SGCZ: variants seen among roughly 807,000 people sequenced by gnomAD.
SGCZ encodes the protein sarcoglycan zeta.
Under a neutral mutation model 41.3 loss-of-function variants are expected in SGCZ, and 40 were observed. The observed-to-expected ratio is 0.97, with a 90% CI of 0.75 to 1.26. The LOEUF is 1.26. SGCZ is among the 50% of genes most tolerant of loss of function. SGCZ has a pLI of 0.00. For synonymous variants in SGCZ, 206 were observed against 137.5 expected, an observed-to-expected ratio of 1.50 and a Z score of -3.49; for missense variants, 552 against 369.8, an observed-to-expected ratio of 1.49 and a Z score of -4.04.
intron 1 of SGCZ, among the ~76,000 whole-genome samples, chr8:14,560,552 A>T (rs1452334906): frequency 6.6e-6 from 1 of 152,070 alleles, no homozygotes; most frequent in Admixed American, 6.6e-5. Flanking sequence ...GAAAATTCCA[A>T]GTTAAGTGCT....
At chr8:14,731,771 C>A (rs1810246770) in intron 1 of SGCZ, among the ~76,000 whole-genome samples, 1 of 151,978 alleles carries the variant, frequency 6.6e-6, no homozygotes, top group African/African-American at 2.4e-5. Context: ...TTCTACTTCC[C>A]ACCAAATCTC....
chr8:14,980,679 A>G (rs1390353581), intron 1 of SGCZ, among the ~76,000 whole-genome samples: 1 of 152,122 alleles, frequency 6.6e-6, no homozygotes, highest in Non-Finnish European at 1.5e-5. Flanking sequence ...ATCAGATCTC[A>G]TGAGACTTAT....
intron 1 of SGCZ, among the ~76,000 whole-genome samples, chr8:14,769,092 G>A (rs957821829): frequency 2.0e-5 from 3 of 151,820 alleles, no homozygotes; most frequent in Non-Finnish European, 4.4e-5. Context: ...AGAAAATAAT[G>A]AAAATAAATC....
chr8:14,258,275 T>C (rs1439862099), intron 3 of SGCZ, among the ~76,000 whole-genome samples: 1 of 152,152 alleles, frequency 6.6e-6, no homozygotes, highest in Non-Finnish European at 1.5e-5. Context: ...TCTCAGGACA[T>C]TAAACTTACA....
At chr8:14,630,373 G>C (rs1055667687) in intron 1 of SGCZ, among the ~76,000 whole-genome samples, 2 of 151,894 alleles carry the variant, frequency 1.3e-5, no homozygotes, top group Non-Finnish European at 2.9e-5. Context: ...CTCAGGATTG[G>C]CTGCGATGGA....
intron 3 of SGCZ, among the ~76,000 whole-genome samples, chr8:14,242,549 A>G (rs1398637559): frequency 2.0e-5 from 3 of 152,164 alleles, no homozygotes; most frequent in Non-Finnish European, 4.4e-5. Context: ...TGCTTGTTAT[A>G]AGGATTAAAT....
chr8:14,771,829 T>C (rs1300121983), intron 1 of SGCZ, among the ~76,000 whole-genome samples: 1 of 152,234 alleles, frequency 6.6e-6, no homozygotes, highest in South Asian at 2.1e-4. Flanking sequence ...GAATACTAAA[T>C]AGTGAAAAGA....
At chr8:14,609,203 A>G (rs1237297511) in intron 1 of SGCZ, among the ~76,000 whole-genome samples, 1 of 152,148 alleles carries the variant, frequency 6.6e-6, no homozygotes, top group Non-Finnish European at 1.5e-5. Context: ...ACAAAATTGT[A>G]TTATTACTTA....
chr8:14,729,900 C>G (rs770150820), intron 1 of SGCZ, among the ~76,000 whole-genome samples: 1 of 152,158 alleles, frequency 6.6e-6, no homozygotes, highest in Non-Finnish European at 1.5e-5. Context: ...GCCTGGCCAA[C>G]ATGGTGAAAC....
At chr8:14,835,330 A>G (rs1802660953) in intron 1 of SGCZ, among the ~76,000 whole-genome samples, 1 of 152,246 alleles carries the variant, frequency 6.6e-6, no homozygotes, top group South Asian at 2.1e-4. Flanking sequence ...TTCTGTAGTT[A>G]TACATTAAAA....
chr8:15,233,948 T>C (rs932829593), intron 1 of SGCZ, among the ~76,000 whole-genome samples: 2 of 152,112 alleles, frequency 1.3e-5, no homozygotes, highest in Admixed American at 1.3e-4. Context: ...CAAATAACAA[T>C]TATCCACAAA....
chr8:14,755,034 T>C (rs1386222715), intron 1 of SGCZ, among the ~76,000 whole-genome samples: 1 of 152,202 alleles, frequency 6.6e-6, no homozygotes, highest in Non-Finnish European at 1.5e-5. Context: ...CTGGCCTGGA[T>C]TTCTCAACAT....
At chr8:14,375,619 C>G (rs181403490) in intron 2 of SGCZ, among the ~76,000 whole-genome samples, 1 of 152,110 alleles carries the variant, frequency 6.6e-6, no homozygotes, top group African/African-American at 2.4e-5. Context: ...TCCTATTAAA[C>G]AATACCTGGA....
At chr8:14,647,977 A>G (rs79153043) in intron 1 of SGCZ, among the ~76,000 whole-genome samples, 17,856 of 151,968 alleles carry the variant, frequency 0.12, 1,293 homozygotes, top group African/African-American at 0.21. Context: ...CACCAGAAGC[A>G]CACCTGGAGT....
chr8:14,452,848 A>C (rs1399684470), intron 2 of SGCZ, among the ~76,000 whole-genome samples: 3 of 152,140 alleles, frequency 2.0e-5, no homozygotes. Flanking sequence ...GCCTGTACAA[A>C]TCCCAGCACC....
intron 2 of SGCZ, among the ~76,000 whole-genome samples, chr8:14,518,060 T>C (rs1802677660): frequency 6.6e-6 from 1 of 151,846 alleles, no homozygotes; most frequent in Non-Finnish European, 1.5e-5. Flanking sequence ...TTTTAAGCAA[T>C]AAGGTTATTG....
chr8:15,220,405 G>C (rs1349047817), intron 1 of SGCZ, among the ~76,000 whole-genome samples: 2 of 152,106 alleles, frequency 1.3e-5, no homozygotes, highest in African/African-American at 4.8e-5. Context: ...GAATGAAAAA[G>C]AAAGTGGAGA....
At position 14,923,049 on chromosome 8, in the gene SGCZ, A is replaced by G. The variant is rs139548914; in HGVS notation, c.39+314536T>C. On this transcript the variant is annotated intron_variant, in intron 1 of 7. Coordinates refer to ENST00000382080, the MANE Select transcript of SGCZ (RefSeq NM_139167.4). ...TTTGCACACATATTTGAATTTTTTT[A>G]AAGGGCAATTACATGTGTTTTCCTA... Among the ~76,000 whole-genome samples, 243 of 152,304 alleles carry G rather than the reference A, an allele frequency of 1.6e-3. 2 individuals are homozygous for G. Among genetic ancestry groups the G allele is most frequent in the Non-Finnish European group, 3.0e-3 (202 of 68,024 alleles).
chr8:14,975,898 A>G (rs1223435286), intron 1 of SGCZ, among the ~76,000 whole-genome samples: 1 of 146,858 alleles, frequency 6.8e-6, no homozygotes, highest in Non-Finnish European at 1.5e-5. Context: ...ACACACACAT[A>G]TATATACACA....
Sources: allele counts gnomAD v4.1 joint callset (sites outside exome capture counted in the v4.1 genomes callset), GRCh38; gene constraint gnomAD v4.1.1; transcripts MANE v1.5; gene names NCBI Gene and HGNC (gene_info 2026-07-23, HGNC 2026-07-21).